ABCC11: variants seen among roughly 807,000 people sequenced by gnomAD.
ABCC11 encodes the protein ATP binding cassette subfamily C member 11, also known as ATP-binding cassette sub-family C member 11.
A neutral mutation model predicts 149.3 loss-of-function variants in ABCC11; 135 were observed. That is an observed-to-expected ratio of 0.90 (90% CI 0.79 to 1.04). The LOEUF is 1.04. Ranked by LOEUF, ABCC11 falls within the 50% of genes least tolerant of loss-of-function variation. The probability of loss-of-function intolerance (pLI) is 0.00; values close to 1 mark genes in which losing one functional copy is unlikely to be tolerated. For missense variants in ABCC11, 1,680 were observed against 1,722.1 expected (o/e 0.98, Z 0.43); for synonymous variants, 665 against 671.4 (o/e 0.99, Z 0.15).
chr16:48,244,726 C>T, intron 1 of ABCC11: 2 of 797,930 alleles, frequency 2.5e-6, no homozygotes, highest in Non-Finnish European at 3.5e-6. Flanking sequence ...TTCGGGGCGG[C>T]CTTCGCGGCT....
Position 48,170,164 on chromosome 16 carries a change from A to T in ABCC11, c.3832T>A (p.Phe1278Ile). The T allele has an allele frequency of 6.2e-7, 1 of 1,614,086 alleles. No individual in the cohort carries two copies. The highest frequency in any genetic ancestry group is 1.3e-5 in the African/African-American group (1 of 75,044). The change falls in exon 28 of 30, where the codon TTC becomes ATC. Residue 1278 changes from phenylalanine to isoleucine, a missense_variant. Transcript: ENST00000356608. ...HTDVVENGGNFSVGERQLLCI... is the reference protein window; with the variant it reads ...HTDVVENGGNISVGERQLLCI... ...AGCAGCTGCCTCTCCCCCACAGAGA[A>T]GTTTCCACCGTTTTCCACCACATCT...
intron 6 of ABCC11, 91 bp downstream of exon 6, chr16:48,222,507 C>A: frequency 4.7e-6 from 5 of 1,065,018 alleles, no homozygotes; most frequent in Non-Finnish European, 7.0e-6. Flanking sequence ...TCTTCTAACC[C>A]CCTTTTCTCC....
intron 14 of ABCC11, among the ~76,000 whole-genome samples, chr16:48,202,468 G>A (rs887913815): frequency 1.3e-5 from 2 of 152,040 alleles, no homozygotes; most frequent in South Asian, 2.1e-4. Context: ...AAAATTAGCC[G>A]GGCCTGGAGG....
intron 1 of ABCC11, among the ~76,000 whole-genome samples, chr16:48,242,808 A>G (rs1412578785): frequency 1.3e-5 from 2 of 151,924 alleles, no homozygotes; most frequent in Non-Finnish European, 2.9e-5. Context: ...CGAAAACAAA[A>G]CACTGCAAGT....
chr16:48,222,448 G>T (rs932300203), intron 6 of ABCC11, 150 bp downstream of exon 6: 13 of 667,812 alleles, frequency 1.9e-5, no homozygotes, highest in African/African-American at 3.7e-5. Flanking sequence ...AATTGTTAAT[G>T]GTTATCCACA....
chr16:48,190,116 T>C (rs1966860358), intron 20 of ABCC11, among the ~76,000 whole-genome samples: 1 of 152,188 alleles, frequency 6.6e-6, no homozygotes, highest in Admixed American at 6.5e-5. Context: ...ACAAGGTGCC[T>C]CTTATGTTCT....
chr16:48,211,407 G>T (rs17744237), intron 10 of ABCC11, among the ~76,000 whole-genome samples: 4 of 152,066 alleles, frequency 2.6e-5, no homozygotes, highest in Non-Finnish European at 5.9e-5. Context: ...TCAGACCACC[G>T]GGCCACTCTT....
rs768141790 is a variant in ABCC11, at chr16:48,216,279, G to A, written c.786C>T (p.Ser262=). The A allele has an allele frequency of 2.0e-5, 33 of 1,612,732 alleles. No individual in the cohort carries two copies. The highest frequency in any genetic ancestry group is 2.7e-5 in the Non-Finnish European group (32 of 1,179,732). Residue 262 remains serine, a synonymous_variant, in exon 7 of 30, where the codon AGC becomes AGT. Coordinates refer to ENST00000356608, the MANE Select transcript of ABCC11 (RefSeq NM_001370497.1). ...VIHITSGEAI[S]FFTGDVNYLF... ...GGTAGTTTACATCACCGGTGAAGAA[G>A]CTGATGGCCTGCAAGACAGCAAGTT...
In ABCC11 at chr16:48,184,432, C is replaced by T. The variant is rs749769301; in HGVS notation, c.3258+8G>A. Reference sequence around the variant, plus strand: ...TCAGAGAGGGCCCACACAGAGTCACCCCCTCACCTGCAGCACGATGTTGAC... The same window carrying T: ...TCAGAGAGGGCCCACACAGAGTCACTCCCTCACCTGCAGCACGATGTTGAC... On this transcript the variant is annotated splice_region_variant and intron_variant, in intron 23 of 29. Transcript: ENST00000356608. The T allele has an allele frequency of 1.2e-6, 2 of 1,612,750 alleles. No individual in the cohort carries two copies. The highest frequency in any genetic ancestry group is 1.7e-5 in the Admixed American group (1 of 59,952).
At chr16:48,207,323 T>C (rs1968532369) in intron 12 of ABCC11, among the ~76,000 whole-genome samples, 1 of 152,062 alleles carries the variant, frequency 6.6e-6, no homozygotes. Flanking sequence ...TTATAAGGTG[T>C]GCAGTGTGAC....
At chr16:48,220,179 G>A (rs2150889968) in intron 6 of ABCC11, among the ~76,000 whole-genome samples, 1 of 152,330 alleles carries the variant, frequency 6.6e-6, no homozygotes, top group Non-Finnish European at 1.5e-5. Context: ...CTAGGCCTTA[G>A]CACAGGGCTC....
chr16:48,237,550 C>T (rs1040548634), intron 1 of ABCC11, among the ~76,000 whole-genome samples: 12 of 152,342 alleles, frequency 7.9e-5, no homozygotes, highest in East Asian at 5.8e-4. Flanking sequence ...TAAATCCTTA[C>T]GTTCCATTCT....
chr16:48,226,512 C>T (rs998467447), intron 4 of ABCC11, among the ~76,000 whole-genome samples: 2 of 151,956 alleles, frequency 1.3e-5, no homozygotes, highest in Non-Finnish European at 2.9e-5. Context: ...CTCCTGACCT[C>T]GTGATCTGCC....
chr16:48,186,955 G>C lies in ABCC11; in HGVS notation c.3069C>G (p.Ser1023Arg), dbSNP rs1966782508. Reference sequence around the variant, plus strand: ...CAAATGGCAGCAGAAGGACTCACTGGCTGATGAAGTCTTCAGTTTTTCCAT... The same window carrying C: ...CAAATGGCAGCAGAAGGACTCACTGCCTGATGAAGTCTTCAGTTTTTCCAT... ...HVYGKTEDFISQFKRLTDAQN... is the reference protein window; with the variant it reads ...HVYGKTEDFIRQFKRLTDAQN... Residue 1023 changes from serine to arginine, a missense_variant and splice_region_variant, in exon 22 of 30, where the codon AGC (serine) becomes AGG (arginine). Transcript: ENST00000356608. 6.2e-7 allele frequency: 1 copy of C among 1,613,960 alleles called. No homozygotes were observed. The highest frequency in any genetic ancestry group is 1.3e-5 in the African/African-American group (1 of 74,898).
intron 11 of ABCC11, among the ~76,000 whole-genome samples, chr16:48,208,776 T>A (rs913705721): frequency 1.3e-5 from 2 of 152,156 alleles, no homozygotes; most frequent in African/African-American, 2.4e-5. Flanking sequence ...TTGTGTCTAT[T>A]CTATGCAGCA....
At chr16:48,216,076 G>C (rs769803521) in intron 7 of ABCC11, 38 bp downstream of exon 7, 1 of 1,599,968 alleles carries the variant, frequency 6.3e-7, no homozygotes, top group East Asian at 2.2e-5. Flanking sequence ...GGGACTTCTG[G>C]GGCCCAGCAT....
In ABCC11 at chr16:48,215,603, T is replaced by C. The variant is rs1029370292; in HGVS notation, c.952-259A>G. Among the ~76,000 whole-genome samples the C allele has an allele frequency of 2.6e-5, 4 of 152,204 alleles. No homozygotes were observed. In the South Asian group the frequency reaches 6.2e-4, roughly 24 times the overall value. On this transcript the variant is annotated intron_variant, in intron 7 of 29. Transcript: ENST00000356608. ...TCTTCTGGAACCCTAAACCCTCTAA[T>C]AATTAAAATCATCTTTCCATCAGAG...
intron 9 of ABCC11, 134 bp from the exon 10 acceptor site, chr16:48,213,684 G>A (rs1217908276): frequency 1.6e-6 from 1 of 630,162 alleles, no homozygotes; most frequent in Non-Finnish European, 2.6e-6. Flanking sequence ...CTAAGCTAGT[G>A]TTTGGAGGAG....
rs1238828534 is a variant in ABCC11 at position 48,198,580 on chromosome 16, C to CA, written c.2083-306dup. Among the ~76,000 whole-genome samples the CA allele has an allele frequency of 2.0e-5, 3 of 150,246 alleles. No individual in the cohort carries two copies. In the South Asian group the frequency reaches 6.3e-4, roughly 32 times the overall value. ...ACGATTCGACTCCTAAAACCCTACCCAAAAAAACTCTCAAACATGTGTGCA... is the reference window on the plus strand; with the variant it reads ...ACGATTCGACTCCTAAAACCCTACCCAAAAAAAACTCTCAAACATGTGTGCA... On this transcript the variant is annotated intron_variant, in intron 15 of 29. Coordinates refer to ENST00000356608, the MANE Select transcript of ABCC11 (RefSeq NM_001370497.1).
Sources: allele counts gnomAD v4.1 joint callset (sites outside exome capture counted in the v4.1 genomes callset), GRCh38; gene constraint gnomAD v4.1.1; transcripts MANE v1.5; gene names NCBI Gene and HGNC (gene_info 2026-07-23, HGNC 2026-07-21).